The following GPR146 variants were observed in gnomAD, a reference collection of about 807,000 sequenced individuals.
The protein encoded by GPR146 is G protein-coupled receptor 146.
For synonymous variants in GPR146, 203 were observed against 104.3 expected (o/e 1.95, Z -5.77); for missense variants, 381 against 213.9 (o/e 1.78, Z -4.87).
At chr7:1,047,280 C>G (rs892934677) in intron 1 of GPR146, among the ~76,000 whole-genome samples, 34 of 152,194 alleles carry the variant, frequency 2.2e-4, no homozygotes, top group African/African-American at 7.7e-4. Flanking sequence ...CAAACATGCT[C>G]GCTATTATCC....
In GPR146 at chr7:1,058,789, A is replaced by G. The variant is rs1160185252; in HGVS notation, c.*272A>G. 4.1e-6 allele frequency: 2 copies of G among 483,400 alleles called. No homozygotes were observed. Among genetic ancestry groups the G allele is most frequent in the Non-Finnish European group, 7.6e-6 (2 of 264,582 alleles). 29.9% of individuals were successfully genotyped at this position (483,400 alleles called of 1,614,324 possible). A position where few individuals can be genotyped will look rare whatever the true frequency, so the allele number is the denominator to read the frequency against. On this transcript the variant is annotated 3_prime_UTR_variant, in exon 2 of 2. Transcript: ENST00000444847. Reference sequence around the variant, plus strand: ...CATCCGCAAAAGCCTCCTCGCCTTCAGCCTCCTCAGCATTCAGTTTGTCAA... The same window carrying G: ...CATCCGCAAAAGCCTCCTCGCCTTCGGCCTCCTCAGCATTCAGTTTGTCAA...
intron 1 of GPR146, among the ~76,000 whole-genome samples, chr7:1,047,155 T>A (rs1265653682): frequency 6.6e-6 from 1 of 152,264 alleles, no homozygotes; most frequent in Non-Finnish European, 1.5e-5. Flanking sequence ...AAAAGAATGC[T>A]GTTCCACCTT....
chr7:1,057,567 G>A lies in GPR146; in HGVS notation c.52G>A (p.Ala18Thr), dbSNP rs754544914. 1.3e-6 allele frequency: 1 copy of A among 773,356 alleles called. No individual in the cohort carries two copies. The highest frequency in any genetic ancestry group is 2.4e-6 in the Non-Finnish European group (1 of 416,872). The allele number at this position is 773,356 out of a possible 1,614,324, so 47.9% of individuals were successfully genotyped here. Residue 18 changes from alanine (A) to threonine (T), a missense_variant, in exon 2 of 2, where the codon GCC becomes ACC. Ala to Thr is a moderately conservative substitution (Grantham distance 58, BLOSUM62 0). Coordinates refer to ENST00000444847, the MANE Select transcript of GPR146 (RefSeq NM_001303473.2). ...CACAGGGCTGGTGGAGGAGCTGCCT[G>A]CCTGCCAGGACCTGCAGCTGGGGCT... Reference protein sequence around the residue: ...NGTGLVEELPACQDLQLGLSL... With the variant: ...NGTGLVEELPTCQDLQLGLSL...
intron 1 of GPR146, among the ~76,000 whole-genome samples, chr7:1,048,368 G>A (rs1782777855): frequency 6.6e-6 from 1 of 152,136 alleles, no homozygotes; most frequent in Non-Finnish European, 1.5e-5. Flanking sequence ...CCTTGGAGCA[G>A]AGGATTCCTC....
Position 1,058,528 on chromosome 7 carries a change from C to T in GPR146, c.*11C>T, listed in dbSNP as rs760091651. ...CAGGTGCTGGCGTAGGCGGCCCAGCCCTCCTGGGGAGACGTGACTCTGGTG... is the reference window on the plus strand; with the variant it reads ...CAGGTGCTGGCGTAGGCGGCCCAGCTCTCCTGGGGAGACGTGACTCTGGTG... On this transcript the variant is annotated 3_prime_UTR_variant, in exon 2 of 2. Coordinates refer to ENST00000444847, the MANE Select transcript of GPR146 (RefSeq NM_001303473.2). The T allele has an allele frequency of 2.6e-6, 2 of 772,200 alleles. No individual in the cohort carries two copies. The highest frequency in any genetic ancestry group is 1.7e-5 in the African/African-American group (1 of 58,902). 47.8% of individuals were successfully genotyped at this position (772,200 alleles called of 1,614,324 possible). A position where few individuals can be genotyped will look rare whatever the true frequency, so the allele number is the denominator to read the frequency against.
At chr7:1,055,596 C>G in intron 1 of GPR146, 1 of 374,018 alleles carries the variant, frequency 2.7e-6, no homozygotes. Flanking sequence ...AGAGAGGACG[C>G]AGGGGGTTCT....
chr7:1,046,240 G>A (rs1376114642), intron 1 of GPR146, among the ~76,000 whole-genome samples: 2 of 152,194 alleles, frequency 1.3e-5, no homozygotes, highest in African/African-American at 4.8e-5. Flanking sequence ...ATGTCACCTG[G>A]AATCCTGAAA....
At position 1,058,646 on chromosome 7, in the gene GPR146, A is replaced by G; in HGVS notation, c.*129A>G. The G allele has an allele frequency of 1.6e-6, 1 of 612,132 alleles. No individual in the cohort carries two copies. Among genetic ancestry groups the G allele is most frequent in the Non-Finnish European group, 3.0e-6 (1 of 336,046 alleles). The allele number at this position is 612,132 out of a possible 1,614,324, so 37.9% of individuals were successfully genotyped here. Reference sequence around the variant, plus strand: ...AGAAGCAGGAGGGGTGTTTTTCTTGAAGTTTCCTTTTTCCCACAAATGCCA... The same window carrying G: ...AGAAGCAGGAGGGGTGTTTTTCTTGGAGTTTCCTTTTTCCCACAAATGCCA... On this transcript the variant is annotated 3_prime_UTR_variant, in exon 2 of 2. Coordinates refer to ENST00000444847, the MANE Select transcript of GPR146 (RefSeq NM_001303473.2).
chr7:1,057,746 C>T lies in GPR146; in HGVS notation c.231C>T (p.Ser77=), dbSNP rs756590924. ...TGGCAGTGGCAGGCCTGGTGCTCAG[C>T]GCCCTGGCCCCTGTGCACCTGCTCG... is the stretch of plus-strand genomic sequence containing the variant. The part of the protein sequence containing the change: ...VNMAVAGLVL[S]ALAPVHLLGP... The change falls in exon 2 of 2, where the codon AGC becomes AGT. Residue 77 remains serine, a synonymous_variant. Transcript: ENST00000444847. The T allele has an allele frequency of 2.2e-5, 17 of 775,274 alleles. No individual in the cohort carries two copies. Among genetic ancestry groups the T allele is most frequent in the Admixed American group, 6.8e-5 (4 of 58,928 alleles). 48.0% of individuals were successfully genotyped at this position (775,274 alleles called of 1,614,324 possible).
intron 1 of GPR146, chr7:1,055,546 A>C (rs544471812): frequency 1.1e-4 from 48 of 425,046 alleles, no homozygotes; most frequent in Non-Finnish European, 1.8e-4. Context: ...CAGTACAGGC[A>C]GGAGAGGGGA....
intron 1 of GPR146, chr7:1,055,242 C>G (rs1469570182): frequency 2.1e-6 from 1 of 470,960 alleles, no homozygotes. Flanking sequence ...TGGCGCCTGC[C>G]AAGGGAGGCA....
intron 1 of GPR146, among the ~76,000 whole-genome samples, chr7:1,050,053 GC>G (rs2128195476): frequency 6.6e-6 from 1 of 152,308 alleles, no homozygotes; most frequent in African/African-American, 2.4e-5. Context: ...CCTTGGCAGG[GC>G]CCCCTCAGCG....
rs747464383 is a variant in GPR146 at position 1,058,258 on chromosome 7, C to T, written c.743C>T (p.Pro248Leu). Residue 248 changes from proline (P) to leucine (L), a missense_variant, in exon 2 of 2, where the codon CCA becomes CTA. Transcript: ENST00000444847. ...TVCTQFGLWT[P>L]HYLILLGHTV... is the part of the protein sequence containing the mutation. ...TGCACGCAGTTTGGGCTCTGGACGCCACACTATCTGATCCTGCTGGGGCAC... is the reference window on the plus strand; with the variant it reads ...TGCACGCAGTTTGGGCTCTGGACGCTACACTATCTGATCCTGCTGGGGCAC... The T allele has an allele frequency of 2.3e-5, 18 of 770,986 alleles. No individual in the cohort carries two copies. The highest frequency in any genetic ancestry group is 8.5e-5 in the Admixed American group (5 of 58,890). 47.8% of individuals were successfully genotyped at this position (770,986 alleles called of 1,614,324 possible). A position where few individuals can be genotyped will look rare whatever the true frequency, so the allele number is the denominator to read the frequency against.
chr7:1,053,571 T>C (rs1225035411), intron 1 of GPR146, among the ~76,000 whole-genome samples: 16 of 152,200 alleles, frequency 1.1e-4, no homozygotes, highest in Admixed American at 1.0e-3. Context: ...CTCACGTCTG[T>C]AATCCCAGCA....
Position 1,058,441 on chromosome 7 carries a change from G to A in GPR146, c.926G>A (p.Arg309Gln), listed in dbSNP as rs867563361. Residue 309 changes from arginine (R) to glutamine (Q), a missense_variant, in exon 2 of 2, where the codon CGG becomes CAG. Transcript: ENST00000444847. Reference protein sequence around the residue: ...MNQSFPSKLQRLMKKLPCGDR... With the variant: ...MNQSFPSKLQQLMKKLPCGDR... Reference sequence around the variant, plus strand: ...CAGAGCTTCCCCAGCAAGCTCCAACGGCTGATGAAAAAGCTGCCCTGCGGG... The same window carrying A: ...CAGAGCTTCCCCAGCAAGCTCCAACAGCTGATGAAAAAGCTGCCCTGCGGG... The A allele has an allele frequency of 1.2e-5, 9 of 780,524 alleles. No individual in the cohort carries two copies. The highest frequency in any genetic ancestry group is 4.0e-5 in the South Asian group (3 of 74,628). The allele number at this position is 780,524 out of a possible 1,614,324, so 48.3% of individuals were successfully genotyped here.
intron 1 of GPR146, 87 bp from the exon 2 acceptor site, chr7:1,057,405 G>A: frequency 1.6e-6 from 1 of 610,946 alleles, no homozygotes; most frequent in Non-Finnish European, 2.9e-6. Context: ...TACTGCACCA[G>A]GAGAAGGCAC....
intron 1 of GPR146, among the ~76,000 whole-genome samples, chr7:1,057,062 G>C (rs1783871443): frequency 6.6e-6 from 1 of 152,126 alleles, no homozygotes; most frequent in Admixed American, 6.5e-5. Flanking sequence ...GAGGGAGGGA[G>C]GGAGGCTCAG....
In GPR146 at chr7:1,058,831, T is replaced by A; in HGVS notation, c.*314T>A. 2.7e-6 allele frequency: 1 copy of A among 372,798 alleles called. No individual in the cohort carries two copies. 23.1% of individuals were successfully genotyped at this position (372,798 alleles called of 1,614,324 possible). ...GTTTGTCAATGAAGTGATGAAAGCTTAGAGCCAGTATTTATACTTTGTGGT... is the reference window on the plus strand; with the variant it reads ...GTTTGTCAATGAAGTGATGAAAGCTAAGAGCCAGTATTTATACTTTGTGGT... On this transcript the variant is annotated 3_prime_UTR_variant, in exon 2 of 2. Transcript: ENST00000444847.
At chr7:1,054,667 C>T (rs555683922) in intron 1 of GPR146, among the ~76,000 whole-genome samples, 2 of 152,320 alleles carry the variant, frequency 1.3e-5, no homozygotes, top group African/African-American at 4.8e-5. Flanking sequence ...CTCTCTGACT[C>T]CCTGCAAGGA....
Sources: gnomAD v4.1 joint callset for allele counts (sites outside exome capture counted in the v4.1 genomes callset) on GRCh38, gnomAD v4.1.1 for gene constraint, MANE v1.5 for transcripts, NCBI Gene and HGNC (gene_info 2026-07-23, HGNC 2026-07-21) for gene names.